Variants in GTF3C3 observed in about 807,000 individuals in gnomAD.
GTF3C3 encodes the protein general transcription factor 3C polypeptide 3.
Under a neutral mutation model 105.2 loss-of-function variants are expected in GTF3C3, and 75 were observed. The ratio of observed to expected loss-of-function variants is 0.71; its 90% confidence interval spans 0.59 to 0.86. The LOEUF (loss-of-function observed/expected upper bound fraction) is 0.86, where lower values mean the gene tolerates loss of function less well. Ranked by LOEUF, GTF3C3 falls within the 40% of genes least tolerant of loss-of-function variation. The pLI is 0.00. For synonymous variants in GTF3C3, 335 were observed against 370.4 expected, an observed-to-expected ratio of 0.90 and a Z score of 1.10; for missense variants, 856 against 1,076.5, an observed-to-expected ratio of 0.80 and a Z score of 2.87.
At chr2:196,788,199 T>C (rs1699484680) in intron 6 of GTF3C3, among the ~76,000 whole-genome samples, 1 of 152,202 alleles carries the variant, frequency 6.6e-6, no homozygotes, top group African/African-American at 2.4e-5. Context: ...TAGTCCTATG[T>C]AACCCACCCC....
rs1559306203 is a variant in GTF3C3 at position 196,793,070 on chromosome 2, T to C, written c.297A>G (p.Glu99=). 1 of 1,613,514 alleles carries C rather than the reference T, an allele frequency of 6.2e-7. No homozygotes were observed. The highest frequency in any genetic ancestry group is 2.2e-5 in the East Asian group (1 of 44,884). Residue 99 remains glutamate (E), a synonymous_variant, in exon 3 of 18, where the codon GAA becomes GAG. Coordinates refer to ENST00000263956, the MANE Select transcript of GTF3C3 (RefSeq NM_012086.5). ...CCTCCTCCTCCTCCTCTTCTTCCTC[T>C]TCCTCCTCATCATCTTCATTCTCTC... ...MLGENEDDEE[E]EEEEEEEEEE...
intron 2 of GTF3C3, among the ~76,000 whole-genome samples, chr2:196,794,512 G>A (rs909931158): frequency 6.6e-6 from 1 of 152,048 alleles, no homozygotes; most frequent in Non-Finnish European, 1.5e-5. Context: ...TCAGCTCACC[G>A]CAACCTCCAC....
In GTF3C3 at chr2:196,799,660, G is replaced by C; in HGVS notation, c.-49C>G. 7.4e-7 allele frequency: 1 copy of C among 1,348,114 alleles called. No individual in the cohort carries two copies. The highest frequency in any genetic ancestry group is 1.1e-6 in the Non-Finnish European group (1 of 939,432). The allele number at this position is 1,348,114 out of a possible 1,614,324, so 83.5% of individuals were successfully genotyped here. The stretch of plus-strand genomic sequence containing the variant: ...CCCCAGGAACCGGGACAGAGAACCG[G>C]AAGAGCAGCGCCTTCCAGAAGCTAC... On this transcript the variant is annotated 5_prime_UTR_variant, in exon 1 of 18. Coordinates refer to ENST00000263956, the MANE Select transcript of GTF3C3 (RefSeq NM_012086.5).
chr2:196,779,130 C>CTTT (rs879111814), intron 9 of GTF3C3, 63 bp from the exon 10 acceptor site: 12 of 1,038,006 alleles, frequency 1.2e-5, no homozygotes, highest in East Asian at 2.6e-5. Flanking sequence ...CTATCTATAG[C>CTTT]TTTTTTTTTT....
rs964337485 is a variant in GTF3C3, at chr2:196,784,846, G to A, written c.1114+11C>T. 2 of 1,602,254 alleles carry A rather than the reference G, an allele frequency of 1.2e-6. No homozygotes were observed. On this transcript the variant is annotated intron_variant, in intron 8 of 17. Transcript: ENST00000263956. ...ATTATATACACTTTCCTAAGCAGAG[G>A]AAACTACAACCTTTATTCTCTTCTG... is the stretch of plus-strand genomic sequence containing the variant.
intron 2 of GTF3C3, among the ~76,000 whole-genome samples, chr2:196,793,781 A>G (rs1017459560): frequency 5.9e-5 from 9 of 152,242 alleles, no homozygotes; most frequent in African/African-American, 2.2e-4. Flanking sequence ...ATTTCAGGAA[A>G]AAAATAACAT....
chr2:196,790,152 G>A (rs1449754206), intron 4 of GTF3C3, 82 bp from the exon 5 acceptor site: 1 of 842,942 alleles, frequency 1.2e-6, no homozygotes, highest in Non-Finnish European at 1.7e-6. Flanking sequence ...CAAACTGTAT[G>A]TCTTTTTTTT....
rs780094279 is a variant in GTF3C3 at position 196,766,583 on chromosome 2, G to C, written c.2520C>G (p.Leu840=). The part of the protein sequence containing the change: ...AIHYYQKALE[L]PPLVVEGIEL... ...ACAATACCTCTACCACAAGTGGAGG[G>C]AGCTCCAGGGCCTTCTGATAATAGT... The change falls in exon 17 of 18, where the codon CTC becomes CTG. Residue 840 remains leucine (L), a synonymous_variant. Transcript: ENST00000263956. The C allele has an allele frequency of 1.7e-5, 27 of 1,609,448 alleles. No homozygotes were observed. The highest frequency in any genetic ancestry group is 2.1e-5 in the Non-Finnish European group (25 of 1,177,260).
In GTF3C3 at chr2:196,799,535, T is replaced by C; in HGVS notation, c.77A>G (p.Glu26Gly). 6.2e-7 allele frequency: 1 copy of C among 1,614,060 alleles called. No homozygotes were observed. The highest frequency in any genetic ancestry group is 8.5e-7 in the Non-Finnish European group (1 of 1,179,962). The stretch of plus-strand genomic sequence containing the variant: ...TTTCTTCTCGCGGGTTTTTCTCTCT[T>C]CTCTCCGCCGTTCGAACTCCTCAAA... The part of the protein sequence containing the change: ...ISFEEFERRR[E>G]ERKTREKKSL... The change falls in exon 1 of 18, where the codon GAA (glutamate) becomes GGA (glycine). Residue 26 changes from glutamate (E) to glycine (G), a missense_variant. Physicochemically the swap from Glu to Gly is moderately conservative, Grantham distance 98. Around this residue, in one of 3 missense-constraint regions of GTF3C3, gnomAD observed 117 missense variants for 114.0 expected, o/e 1.03. Coordinates refer to ENST00000263956, the MANE Select transcript of GTF3C3 (RefSeq NM_012086.5).
chr2:196,779,728 C>A (rs1284725279), intron 9 of GTF3C3, among the ~76,000 whole-genome samples: 1 of 152,020 alleles, frequency 6.6e-6, no homozygotes, highest in Non-Finnish European at 1.5e-5. Flanking sequence ...CAAATGTCAC[C>A]TTGTTTGTTT....
rs1344046107 is a variant in GTF3C3 at position 196,796,154 on chromosome 2, A to G, written c.214+1643T>C. ...TCAAAACTGACCCCTTCTGCTCTGA[A>G]TACATGCTCATACTCACCAAGAGTC... is the stretch of plus-strand genomic sequence containing the variant. On this transcript the variant is annotated intron_variant, in intron 2 of 17. Coordinates refer to ENST00000263956, the MANE Select transcript of GTF3C3 (RefSeq NM_012086.5). Among the ~76,000 whole-genome samples, 4 of 152,332 alleles carry G rather than the reference A, an allele frequency of 2.6e-5. No homozygotes were observed. In the East Asian group the frequency reaches 7.7e-4, roughly 29 times the overall value.
At chr2:196,765,288 T>G (rs1699041382) in intron 17 of GTF3C3, among the ~76,000 whole-genome samples, 1 of 151,924 alleles carries the variant, frequency 6.6e-6, no homozygotes, top group African/African-American at 2.4e-5. Flanking sequence ...TTTCTAATCT[T>G]CCCCAATACA....
chr2:196,779,087 C>A lies in GTF3C3; in HGVS notation c.1219-20G>T. 1.2e-6 allele frequency: 2 copies of A among 1,605,822 alleles called. No individual in the cohort carries two copies. Among genetic ancestry groups the A allele is most frequent in the Non-Finnish European group, 1.7e-6 (2 of 1,174,062 alleles). On this transcript the variant is annotated intron_variant, in intron 9 of 17. Transcript: ENST00000263956. ...GAGAGGCTAGACCACAAATAAAAGC[C>A]CCAAGTTAAACATTCATTACAAACG...
At chr2:196,770,728 G>T (rs1699157424) in intron 15 of GTF3C3, among the ~76,000 whole-genome samples, 1 of 152,054 alleles carries the variant, frequency 6.6e-6, no homozygotes, top group Non-Finnish European at 1.5e-5. Context: ...CTTCCTTCTG[G>T]CTTCTATTTT....
chr2:196,769,793 C>T, intron 16 of GTF3C3, 122 bp downstream of exon 16: 1 of 729,150 alleles, frequency 1.4e-6, no homozygotes, highest in Non-Finnish European at 2.2e-6. Context: ...TGTTGGGGAC[C>T]CCCGTCATGT....
chr2:196,791,146 A>G (rs1465712952), intron 4 of GTF3C3, among the ~76,000 whole-genome samples, 191 bp downstream of exon 4: 1 of 152,224 alleles, frequency 6.6e-6, no homozygotes, highest in African/African-American at 2.4e-5. Flanking sequence ...AAATTCAACA[A>G]ATATTAATGA....
At chr2:196,797,333 G>A (rs1699664551) in intron 2 of GTF3C3, among the ~76,000 whole-genome samples, 1 of 152,204 alleles carries the variant, frequency 6.6e-6, no homozygotes, top group African/African-American at 2.4e-5. Context: ...GAATGAGGTA[G>A]CCTACCAAGA....
In GTF3C3 at chr2:196,784,896, T is replaced by C; in HGVS notation, c.1075A>G (p.Lys359Glu). Residue 359 changes from lysine (K) to glutamate (E), a missense_variant, in exon 8 of 18, where the codon AAA becomes GAA. Physicochemically the swap from Lys to Glu is moderately conservative, Grantham distance 56 (BLOSUM62 1). Coordinates refer to ENST00000263956, the MANE Select transcript of GTF3C3 (RefSeq NM_012086.5). ...ITDFSGIVLEKKTSEEGTSEE... is the reference protein window; with the variant it reads ...ITDFSGIVLEEKTSEEGTSEE... The stretch of plus-strand genomic sequence containing the variant: ...GAGGTGCCTTCTTCTGAAGTTTTTT[T>C]TTCCAGCACAATTCCAGAAAAATCT... 1 of 1,610,878 alleles carries C rather than the reference T, an allele frequency of 6.2e-7. No individual in the cohort carries two copies. Among genetic ancestry groups the C allele is most frequent in the South Asian group, 1.1e-5 (1 of 90,822 alleles).
intron 17 of GTF3C3, among the ~76,000 whole-genome samples, chr2:196,766,045 T>C (rs912522994): frequency 7.0e-6 from 1 of 142,146 alleles, no homozygotes; most frequent in Non-Finnish European, 1.5e-5. Context: ...TGTGAGGGAG[T>C]ACAGGAGGGA....
Sources: allele counts gnomAD v4.1 joint callset (sites outside exome capture counted in the v4.1 genomes callset), GRCh38; gene constraint gnomAD v4.1.1; regional missense constraint gnomAD v4.1.1; transcripts MANE v1.5; gene names NCBI Gene and HGNC (gene_info 2026-07-23, HGNC 2026-07-21).